The following ITPRID1 variants were observed in gnomAD, a reference collection of about 807,000 sequenced individuals.
ITPRID1 encodes the protein protein ITPRID1.
ITPRID1 carries 96 observed loss-of-function variants against 95.4 expected under a neutral mutation model. The ratio of observed to expected loss-of-function variants is 1.01; its 90% CI spans 0.85 to 1.19. ITPRID1 has a LOEUF of 1.19. Ranked by LOEUF, ITPRID1 falls within the 50% of genes most tolerant of loss-of-function variation. ITPRID1 has a pLI of 0.00. For missense variants in ITPRID1, 1,339 were observed against 1,252.9 expected, an observed-to-expected ratio of 1.07 and a Z score of -1.04; for synonymous variants, 510 against 453.6, an observed-to-expected ratio of 1.12 and a Z score of -1.58.
intron 10 of ITPRID1, among the ~76,000 whole-genome samples, chr7:31,596,783 A>G (rs924867969): frequency 4.6e-5 from 7 of 151,790 alleles, no homozygotes; most frequent in African/African-American, 1.7e-4. Context: ...GAATATAGAG[A>G]ATGGTTTTTA....
In ITPRID1 at chr7:31,652,930, A is replaced by C. The variant is rs1413056595; in HGVS notation, c.*101A>C. 6.6e-7 allele frequency: 1 copy of C among 1,518,384 alleles called. No individual in the cohort carries two copies. The highest frequency in any genetic ancestry group is 8.8e-7 in the Non-Finnish European group (1 of 1,134,060). The allele number at this position is 1,518,384 out of a possible 1,614,324, so 94.1% of individuals were successfully genotyped here. A position where few individuals can be genotyped will look rare whatever the true frequency, so the allele number is the denominator to read the frequency against. ...CCCAAGGAGAAGGGTCTGCCAACCC[A>C]TTGTCAGCTATATCTCTCATATTCT... On this transcript the variant is annotated 3_prime_UTR_variant, in exon 15 of 15. Transcript: ENST00000615280.
At chr7:31,516,753 T>C (rs1055923809) in intron 1 of ITPRID1, among the ~76,000 whole-genome samples, 1 of 151,992 alleles carries the variant, frequency 6.6e-6, no homozygotes, top group Non-Finnish European at 1.5e-5. Flanking sequence ...GTGACTTCTC[T>C]GTGACAAGAT....
chr7:31,571,471 G>A (rs941150132), intron 6 of ITPRID1, among the ~76,000 whole-genome samples: 8 of 152,202 alleles, frequency 5.3e-5, no homozygotes, highest in African/African-American at 1.7e-4. Context: ...GGGGCTAGAT[G>A]TGATCCATGG....
intron 5 of ITPRID1, among the ~76,000 whole-genome samples, chr7:31,567,733 TATG>T (rs2128142100): frequency 6.6e-6 from 1 of 152,262 alleles, no homozygotes; most frequent in South Asian, 2.1e-4. Context: ...GCCTGACTCT[TATG>T]ATGATAGTTA....
At chr7:31,645,647 G>A (rs956388299) in intron 12 of ITPRID1, among the ~76,000 whole-genome samples, 1 of 151,980 alleles carries the variant, frequency 6.6e-6, no homozygotes, top group Non-Finnish European at 1.5e-5. Flanking sequence ...TTTGTTGAGG[G>A]GATTTTAAAT....
At chr7:31,579,401 C>T (rs368457766) in intron 9 of ITPRID1, among the ~76,000 whole-genome samples, 23 of 152,270 alleles carry the variant, frequency 1.5e-4, no homozygotes, top group African/African-American at 5.1e-4. Flanking sequence ...CTTACTTCTC[C>T]GTTGAGCCCT....
intron 10 of ITPRID1, among the ~76,000 whole-genome samples, chr7:31,591,398 C>T (rs1474895968): frequency 6.6e-6 from 1 of 152,158 alleles, no homozygotes; most frequent in African/African-American, 2.4e-5. Context: ...AACGTAAACA[C>T]TCCTGATTGG....
At chr7:31,574,432 G>C in intron 7 of ITPRID1, 108 bp from the exon 8 acceptor site, 1 of 967,036 alleles carries the variant, frequency 1.0e-6, no homozygotes, top group African/African-American at 1.6e-5. Flanking sequence ...GTCTATTTAG[G>C]ATCCTCTTTC....
intron 10 of ITPRID1, among the ~76,000 whole-genome samples, chr7:31,606,658 T>C (rs1312699652): frequency 6.6e-6 from 1 of 152,216 alleles, no homozygotes; most frequent in Non-Finnish European, 1.5e-5. Flanking sequence ...CATTAGACTA[T>C]TTCTTTCAAA....
At chr7:31,627,663 A>T (rs1788597423) in intron 10 of ITPRID1, among the ~76,000 whole-genome samples, 1 of 137,096 alleles carries the variant, frequency 7.3e-6, no homozygotes, top group Admixed American at 7.0e-5. Flanking sequence ...CTGTCTCAAA[A>T]AAAAAAAAAA....
intron 10 of ITPRID1, among the ~76,000 whole-genome samples, chr7:31,625,767 A>G (rs971394022): frequency 5.3e-5 from 8 of 152,290 alleles, no homozygotes; most frequent in African/African-American, 1.2e-4. Context: ...AACTTAAAGT[A>G]TAATTAAAAA....
At chr7:31,639,538 G>GTTTTT (rs796733772) in intron 10 of ITPRID1, among the ~76,000 whole-genome samples, 1 of 142,514 alleles carries the variant, frequency 7.0e-6, no homozygotes. Context: ...GTTTGTTTTT[G>GTTTTT]TTTTTTTTTT....
chr7:31,586,389 G>A (rs183669901), intron 10 of ITPRID1, among the ~76,000 whole-genome samples: 94 of 151,788 alleles, frequency 6.2e-4, no homozygotes, highest in African/African-American at 2.2e-3. Context: ...GGTATTTGTA[G>A]TTCTAGATCC....
rs574884080 is a variant in ITPRID1, at chr7:31,547,863, TTAAG to T, written c.-97-1557_-97-1554del. Among the ~76,000 whole-genome samples the T allele has an allele frequency of 1.6e-3, 246 of 152,160 alleles. 3 individuals are homozygous for T. Among genetic ancestry groups the T allele is most frequent in the African/African-American group, 5.8e-3 (241 of 41,526 alleles). On this transcript the variant is annotated intron_variant, in intron 1 of 14. Coordinates refer to ENST00000615280, the MANE Select transcript of ITPRID1 (RefSeq NM_001257967.3). ...GTGTATAGACATTCAAGTGGAAATG[TTAAG>T]TAAGTGGGAATACCCTGGTGTGAAG...
intron 10 of ITPRID1, among the ~76,000 whole-genome samples, chr7:31,625,542 T>C (rs978005190): frequency 6.6e-6 from 1 of 152,012 alleles, no homozygotes; most frequent in East Asian, 1.9e-4. Context: ...AGACACCACA[T>C]ATTCTCACTC....
intron 10 of ITPRID1, among the ~76,000 whole-genome samples, chr7:31,602,330 A>G (rs893052479): frequency 2.6e-5 from 4 of 152,228 alleles, no homozygotes; most frequent in African/African-American, 9.6e-5. Flanking sequence ...GCAATTAAAA[A>G]TTCACTCTAC....
chr7:31,631,900 G>C (rs537906572), intron 10 of ITPRID1, among the ~76,000 whole-genome samples: 1 of 152,154 alleles, frequency 6.6e-6, no homozygotes, highest in East Asian at 1.9e-4. Flanking sequence ...TTTAGGATGA[G>C]AGTCAAGATA....
chr7:31,631,855 T>C (rs1789029774), intron 10 of ITPRID1, among the ~76,000 whole-genome samples: 1 of 152,222 alleles, frequency 6.6e-6, no homozygotes, highest in Non-Finnish European at 1.5e-5. Flanking sequence ...AGGATTATTT[T>C]CAATAACTAC....
chr7:31,571,600 A>G (rs958235751), intron 6 of ITPRID1, among the ~76,000 whole-genome samples: 3 of 152,172 alleles, frequency 2.0e-5, no homozygotes, highest in Non-Finnish European at 4.4e-5. Flanking sequence ...CATTTTTTCC[A>G]TAGTAAAGGA....
Sources: gnomAD v4.1 joint callset for allele counts (sites outside exome capture counted in the v4.1 genomes callset) on GRCh38, gnomAD v4.1.1 for gene constraint, MANE v1.5 for transcripts, NCBI Gene and HGNC (gene_info 2026-07-23, HGNC 2026-07-21) for gene names.